Variants in C8orf34 observed in about 807,000 individuals in gnomAD.
The protein encoded by C8orf34 is chromosome 8 open reading frame 34, also known as uncharacterized protein C8orf34.
In C8orf34, 65 loss-of-function variants were observed where a neutral mutation model predicts 68.3. The observed-to-expected ratio is 0.95, with a 90% confidence interval of 0.78 to 1.17. The LOEUF is 1.17. Among genes scored for constraint, C8orf34 ranks in the 50% most tolerant of loss-of-function variants. The pLI is 0.00. For missense variants in C8orf34, 664 were observed against 655.4 expected, an observed-to-expected ratio of 1.01 and a Z score of -0.14; for synonymous variants, 244 against 241.2, an observed-to-expected ratio of 1.01 and a Z score of -0.11.
intron 8 of C8orf34, among the ~76,000 whole-genome samples, chr8:68,683,384 G>A (rs908455868): frequency 4.6e-5 from 7 of 151,036 alleles, no homozygotes; most frequent in Middle Eastern, 3.4e-3. Context: ...ATTGATTCCC[G>A]TGAAGAGGAA....
rs140001929 is a variant in C8orf34, at chr8:68,740,475, A to G, written c.1404+19038A>G. The stretch of plus-strand genomic sequence containing the variant: ...GAAGACCTACATGCAGCCAATAAGC[A>G]TACGAAAAAAAAGCTCAATATGACT... On this transcript the variant is annotated intron_variant, in intron 10 of 13. Coordinates refer to ENST00000518698, the MANE Select transcript of C8orf34 (RefSeq NM_052958.4). Among the ~76,000 whole-genome samples, 599 of 152,320 alleles carry G rather than the reference A, an allele frequency of 3.9e-3. 11 individuals are homozygous for G. Among genetic ancestry groups the G allele is most frequent in the Admixed American group, 0.013 (197 of 15,306 alleles).
intron 5 of C8orf34, among the ~76,000 whole-genome samples, chr8:68,508,249 A>G (rs1814110347): frequency 6.6e-6 from 1 of 152,198 alleles, no homozygotes; most frequent in Non-Finnish European, 1.5e-5. Context: ...CTTCTTGCCC[A>G]ATTCTGAAAA....
chr8:68,381,498 C>G (rs886206070), intron 1 of C8orf34, among the ~76,000 whole-genome samples: 1 of 150,572 alleles, frequency 6.6e-6, no homozygotes, highest in Non-Finnish European at 1.5e-5. Flanking sequence ...TTTGGGAGGC[C>G]GAGGCGGGTG....
intron 3 of C8orf34, among the ~76,000 whole-genome samples, chr8:68,463,982 G>A (rs1381404736): frequency 6.6e-6 from 1 of 152,112 alleles, no homozygotes; most frequent in East Asian, 1.9e-4. Context: ...TATTCAATTA[G>A]GAAAAGAGGA....
intron 8 of C8orf34, among the ~76,000 whole-genome samples, chr8:68,658,197 T>C (rs965934716): frequency 6.6e-6 from 1 of 152,210 alleles, no homozygotes; most frequent in African/African-American, 2.4e-5. Context: ...TATTACAATT[T>C]ACTTGTTTTT....
At chr8:68,463,547 A>G (rs1017224148) in intron 3 of C8orf34, among the ~76,000 whole-genome samples, 5 of 152,178 alleles carry the variant, frequency 3.3e-5, no homozygotes, top group African/African-American at 4.8e-5. Flanking sequence ...CCTCAATAAA[A>G]TACTGGCAAA....
intron 1 of C8orf34, among the ~76,000 whole-genome samples, chr8:68,383,696 C>T (rs1808139464): frequency 6.6e-6 from 1 of 152,102 alleles, no homozygotes; most frequent in African/African-American, 2.4e-5. Flanking sequence ...TAGAAAAAAA[C>T]TACATCCTCG....
chr8:68,380,880 A>T (rs2129620195), intron 1 of C8orf34, among the ~76,000 whole-genome samples: 1 of 152,350 alleles, frequency 6.6e-6, no homozygotes, highest in African/African-American at 2.4e-5. Context: ...GGAAAACATT[A>T]ACTCCTTTCT....
intron 12 of C8orf34, 74 bp downstream of exon 12, chr8:68,787,610 C>CA: frequency 1.0e-6 from 1 of 980,310 alleles, no homozygotes; most frequent in Middle Eastern, 2.2e-4. Flanking sequence ...ATTTCACTTT[C>CA]ATAGCAATAA....
intron 1 of C8orf34, among the ~76,000 whole-genome samples, chr8:68,334,989 CTT>C (rs1805786098): frequency 6.6e-6 from 1 of 152,138 alleles, no homozygotes; most frequent in Non-Finnish European, 1.5e-5. Context: ...CATTATTTCA[CTT>C]TATTGACCTC....
chr8:68,582,893 T>C (rs1465911832), intron 7 of C8orf34, among the ~76,000 whole-genome samples: 1 of 152,100 alleles, frequency 6.6e-6, no homozygotes, highest in African/African-American at 2.4e-5. Context: ...TATGGAAAGA[T>C]AACTGGGAAA....
intron 3 of C8orf34, among the ~76,000 whole-genome samples, chr8:68,462,704 C>G (rs1438613117): frequency 1.3e-5 from 2 of 151,836 alleles, no homozygotes; most frequent in African/African-American, 4.8e-5. Context: ...GGGTACATAA[C>G]AAAATGAAGG....
intron 1 of C8orf34, chr8:68,438,227 AGT>A (rs994303176): frequency 2.6e-5 from 4 of 152,234 alleles, no homozygotes; most frequent in Non-Finnish European, 5.9e-5. Flanking sequence ...TCTTTTTCCA[AGT>A]GCTACAGTAG....
At chr8:68,626,541 A>G (rs1181413872) in intron 7 of C8orf34, among the ~76,000 whole-genome samples, 1 of 152,172 alleles carries the variant, frequency 6.6e-6, no homozygotes, top group African/African-American at 2.4e-5. Context: ...TTAGCATATT[A>G]TGTAACCCAA....
At chr8:68,507,784 T>C (rs1814088237) in intron 5 of C8orf34, among the ~76,000 whole-genome samples, 1 of 152,212 alleles carries the variant, frequency 6.6e-6, no homozygotes, top group South Asian at 2.1e-4. Context: ...GTCAATCAAA[T>C]TGTCCCAAAT....
At chr8:68,730,578 T>C (rs1219238643) in intron 10 of C8orf34, among the ~76,000 whole-genome samples, 1 of 152,156 alleles carries the variant, frequency 6.6e-6, no homozygotes, top group Non-Finnish European at 1.5e-5. Flanking sequence ...AACTTCTAAA[T>C]GTTACATTTG....
intron 7 of C8orf34, among the ~76,000 whole-genome samples, chr8:68,540,569 G>A (rs1217366863): frequency 1.3e-5 from 2 of 151,872 alleles, no homozygotes; most frequent in Non-Finnish European, 2.9e-5. Flanking sequence ...GAGGCCAGGT[G>A]CGGTGGCTCA....
At chr8:68,523,656 A>G (rs1433703256) in intron 6 of C8orf34, among the ~76,000 whole-genome samples, 1 of 152,146 alleles carries the variant, frequency 6.6e-6, no homozygotes, top group African/African-American at 2.4e-5. Context: ...GCAGTAAACC[A>G]TGGGCTAGAA....
intron 7 of C8orf34, among the ~76,000 whole-genome samples, chr8:68,596,983 G>A (rs544158246): frequency 6.6e-5 from 10 of 152,008 alleles, no homozygotes; most frequent in Admixed American, 1.3e-4. Flanking sequence ...ATGTACATGC[G>A]GTTTCTTTGA....
Sources: allele counts gnomAD v4.1 joint callset (sites outside exome capture counted in the v4.1 genomes callset), GRCh38; gene constraint gnomAD v4.1.1; transcripts MANE v1.5; gene names NCBI Gene and HGNC (gene_info 2026-07-23, HGNC 2026-07-21).